KIF1B: variants seen among roughly 807,000 people sequenced by gnomAD.
The protein encoded by KIF1B is kinesin family member 1B, also known as kinesin-like protein KIF1B.
A neutral mutation model predicts 241.9 loss-of-function variants in KIF1B; 76 were observed. That is an observed-to-expected ratio of 0.31 (90% CI 0.26 to 0.38). KIF1B has a LOEUF of 0.38. KIF1B is among the 10% of genes least tolerant of loss of function. KIF1B has a pLI of 1.00. For missense variants in KIF1B, 1,622 were observed against 2,271.4 expected (o/e 0.71, Z 5.81); for synonymous variants, 750 against 796.7 (o/e 0.94, Z 0.99).
chr1:10,237,150 A>C (rs1647067804), intron 2 of KIF1B, among the ~76,000 whole-genome samples: 1 of 152,228 alleles, frequency 6.6e-6, no homozygotes, highest in South Asian at 2.1e-4. Context: ...AATATTCTCC[A>C]TGGCACAAAT....
At chr1:10,289,659 C>T (rs571775179) in intron 15 of KIF1B, among the ~76,000 whole-genome samples, 21 of 152,106 alleles carry the variant, frequency 1.4e-4, no homozygotes, top group East Asian at 3.9e-4. Context: ...TGAAGCGGGC[C>T]GATCACCTGA....
Position 10,378,226 on chromosome 1 carries a change from C to A in KIF1B, c.*1639C>A. On this transcript the variant is annotated 3_prime_UTR_variant, in exon 49 of 49. Transcript: ENST00000676179. Reference sequence around the variant, plus strand: ...GGGGCACGGATGAACGTCCAGGGAGCCCGGGCCCCAGGCTTTGTTGCGTGT... The same window carrying A: ...GGGGCACGGATGAACGTCCAGGGAGACCGGGCCCCAGGCTTTGTTGCGTGT... The A allele has an allele frequency of 1.5e-6, 1 of 689,466 alleles. No individual in the cohort carries two copies. Among genetic ancestry groups the A allele is most frequent in the South Asian group, 1.6e-5 (1 of 63,798 alleles). The allele number at this position is 689,466 out of a possible 1,614,324, so 42.7% of individuals were successfully genotyped here. A position where few individuals can be genotyped will look rare whatever the true frequency, so the allele number is the denominator to read the frequency against.
chr1:10,228,029 A>G (rs1646932460), intron 1 of KIF1B, among the ~76,000 whole-genome samples: 1 of 151,660 alleles, frequency 6.6e-6, no homozygotes, highest in South Asian at 2.1e-4. Context: ...TACTAATAAT[A>G]CAAAAATTAC....
intron 1 of KIF1B, among the ~76,000 whole-genome samples, chr1:10,216,763 A>G (rs1184119277): frequency 2.0e-5 from 3 of 151,894 alleles, no homozygotes; most frequent in African/African-American, 7.3e-5. Flanking sequence ...ACCTCATAGG[A>G]AAAAAGGGCA....
At chr1:10,272,718 T>G (rs1648869277) in intron 9 of KIF1B, among the ~76,000 whole-genome samples, 1 of 130,948 alleles carries the variant, frequency 7.6e-6, no homozygotes, top group African/African-American at 3.1e-5. Context: ...GCCAGTAGTT[T>G]TTTTTTTTTT....
At chr1:10,321,051 A>AG in intron 23 of KIF1B, among the ~76,000 whole-genome samples, 1 of 151,106 alleles carries the variant, frequency 6.6e-6, no homozygotes, top group East Asian at 1.9e-4. Context: ...TCTCTGTAAC[A>AG]GAAAAAAAAA....
intron 22 of KIF1B, chr1:10,308,109 C>T: frequency 1.9e-6 from 2 of 1,060,662 alleles, no homozygotes; most frequent in Admixed American, 5.4e-5. Flanking sequence ...AGACTTCCTG[C>T]AGTCAGCTGC....
intron 29 of KIF1B, 108 bp downstream of exon 29, chr1:10,336,850 C>A: frequency 8.8e-7 from 1 of 1,136,366 alleles, no homozygotes; most frequent in Non-Finnish European, 1.3e-6. Context: ...CTGGTTGCCA[C>A]AGAGTAGTTC....
chr1:10,344,817 A>G (rs749548939), intron 34 of KIF1B: 1 of 152,220 alleles, frequency 6.6e-6, no homozygotes, highest in Non-Finnish European at 1.5e-5. Context: ...ATTAGGGTCT[A>G]CAGTTTATAA....
rs1651725681 is a variant in KIF1B, at chr1:10,326,396, C to T, written c.2924+37C>T. On this transcript the variant is annotated intron_variant, in intron 27 of 48. Coordinates refer to ENST00000676179, the MANE Select transcript of KIF1B (RefSeq NM_001365951.3). The surrounding 1 kb of genome is among the most constrained non-coding windows in gnomAD (Gnocchi z 5.2). The stretch of plus-strand genomic sequence containing the variant: ...TATTGTGAGAAAGGCGAAAAGGGAC[C>T]AGCTCTTGCTCTGAAGGCCTCCCTG... The T allele has an allele frequency of 1.9e-6, 3 of 1,613,374 alleles. No homozygotes were observed. The highest frequency in any genetic ancestry group is 1.7e-5 in the Admixed American group (1 of 60,020).
At chr1:10,211,533 T>C (rs1363484878) in intron 1 of KIF1B, 1 of 152,178 alleles carries the variant, frequency 6.6e-6, no homozygotes, top group Non-Finnish European at 1.5e-5. Context: ...AGGAGCCAAG[T>C]CCAGTTGTTG....
At chr1:10,220,542 G>A (rs1478525893) in intron 1 of KIF1B, among the ~76,000 whole-genome samples, 1 of 152,082 alleles carries the variant, frequency 6.6e-6, no homozygotes, top group Non-Finnish European at 1.5e-5. Context: ...AGTGATGCAT[G>A]CCTATAGTAC....
At chr1:10,240,397 G>C (rs1297578964) in intron 2 of KIF1B, among the ~76,000 whole-genome samples, 1 of 151,424 alleles carries the variant, frequency 6.6e-6, no homozygotes, top group Admixed American at 6.6e-5. Flanking sequence ...TAGTAGAGGT[G>C]GGGTTTCACC....
At chr1:10,213,632 A>T (rs963589082) in intron 1 of KIF1B, among the ~76,000 whole-genome samples, 7 of 152,190 alleles carry the variant, frequency 4.6e-5, no homozygotes, top group Non-Finnish European at 1.5e-5. Context: ...GTAAACTAAC[A>T]TGATATAATT....
chr1:10,235,405 A>G (rs1354479683), intron 2 of KIF1B, among the ~76,000 whole-genome samples: 1 of 151,690 alleles, frequency 6.6e-6, no homozygotes, highest in Non-Finnish European at 1.5e-5. Context: ...GGTGCACAGC[A>G]CTATGCCCAG....
At chr1:10,282,929 G>A (rs949440567) in intron 15 of KIF1B, among the ~76,000 whole-genome samples, 1 of 151,694 alleles carries the variant, frequency 6.6e-6, no homozygotes, top group Non-Finnish European at 1.5e-5. Flanking sequence ...AGTTTGGGCC[G>A]GGTGCAGTGG....
At chr1:10,248,603 A>T (rs1010342424) in intron 2 of KIF1B, among the ~76,000 whole-genome samples, 1 of 152,178 alleles carries the variant, frequency 6.6e-6, no homozygotes, top group African/African-American at 2.4e-5. Flanking sequence ...TGTCGTTCTC[A>T]TGGGAGTCTT....
At chr1:10,219,651 G>A (rs1279589503) in intron 1 of KIF1B, among the ~76,000 whole-genome samples, 2 of 151,960 alleles carry the variant, frequency 1.3e-5, no homozygotes, top group African/African-American at 2.4e-5. Flanking sequence ...CCAGCTACTC[G>A]GGAGGCTGAG....
chr1:10,281,247 T>A (rs1455491065), intron 14 of KIF1B, among the ~76,000 whole-genome samples: 1 of 152,204 alleles, frequency 6.6e-6, no homozygotes, highest in East Asian at 1.9e-4. Context: ...AATTTTAGTT[T>A]CTCAGGTTTA....
Sources: allele counts gnomAD v4.1 joint callset (sites outside exome capture counted in the v4.1 genomes callset), GRCh38; gene constraint gnomAD v4.1.1; non-coding constraint Gnocchi (gnomAD v3.1); transcripts MANE v1.5; gene names NCBI Gene and HGNC (gene_info 2026-07-23, HGNC 2026-07-21).